The following IPMK variants were observed in gnomAD, a reference collection of about 807,000 sequenced individuals.
IPMK encodes the protein inositol 1,3,4,6-tetrakisphosphate 5-kinase.
IPMK carries 17 observed loss-of-function variants against 45.8 expected under a neutral mutation model. The ratio of observed to expected loss-of-function variants is 0.37; its 90% CI spans 0.25 to 0.56. The LOEUF is 0.56. Among genes scored for constraint, IPMK ranks in the 20% least tolerant of loss-of-function variants. The pLI is 0.79. For synonymous variants in IPMK, 180 were observed against 184.3 expected (o/e 0.98, Z 0.19); for missense variants, 399 against 498.0 (o/e 0.80, Z 1.89).
At chr10:58,214,420 G>C (rs1252987930) in intron 4 of IPMK, among the ~76,000 whole-genome samples, 2 of 152,150 alleles carry the variant, frequency 1.3e-5, no homozygotes, top group Non-Finnish European at 2.9e-5. Context: ...GGGAGGGTGA[G>C]AGATCTGAAA....
intron 4 of IPMK, among the ~76,000 whole-genome samples, chr10:58,199,801 A>G (rs1051412150): frequency 6.6e-6 from 1 of 152,156 alleles, no homozygotes. Flanking sequence ...ATAGTTGTAC[A>G]CTGGAAAATA....
intron 1 of IPMK, among the ~76,000 whole-genome samples, chr10:58,248,191 T>C (rs1310888502): frequency 2.0e-5 from 3 of 151,984 alleles, no homozygotes; most frequent in African/African-American, 4.8e-5. Context: ...AGTATATTAT[T>C]ATACTTTAAA....
In IPMK at chr10:58,216,321, T is replaced by C; in HGVS notation, c.374-4A>G. 1 of 1,440,674 alleles carries C rather than the reference T, an allele frequency of 6.9e-7. No individual in the cohort carries two copies. The highest frequency in any genetic ancestry group is 9.4e-7 in the Non-Finnish European group (1 of 1,064,696). 89.2% of individuals were successfully genotyped at this position (1,440,674 alleles called of 1,614,324 possible). ...TCTTCCAGTTTTAGGTATAAATCTG[T>C]TATTAAAGAAAAATATTAATTAGTA... On this transcript the variant is annotated splice_region_variant and splice_polypyrimidine_tract_variant and intron_variant, in intron 3 of 5. Coordinates refer to ENST00000373935, the MANE Select transcript of IPMK (RefSeq NM_152230.5).
intron 5 of IPMK, among the ~76,000 whole-genome samples, chr10:58,196,933 T>C (rs141510788): frequency 6.6e-6 from 1 of 152,230 alleles, no homozygotes; most frequent in East Asian, 1.9e-4. Flanking sequence ...TAATATGAAA[T>C]ATCCTATTTA....
rs1276234688 is a variant in IPMK at position 58,192,460 on chromosome 10, T to C, written c.*3616A>G. The C allele has an allele frequency of 6.6e-6, 1 of 152,036 alleles. No individual in the cohort carries two copies. The highest frequency in any genetic ancestry group is 2.4e-5 in the African/African-American group (1 of 41,438). 9.4% of individuals were successfully genotyped at this position (152,036 alleles called of 1,614,324 possible). On this transcript the variant is annotated 3_prime_UTR_variant, in exon 6 of 6. Transcript: ENST00000373935. ...TCTGTAACTAATACCCAAACTTAAA[T>C]AGAGGTTACAATACTGTAAAATATT...
At position 58,259,764 on chromosome 10, in the gene IPMK, T is replaced by C. The variant is rs937817189; in HGVS notation, c.190+7658A>G. 1.3e-4 allele frequency among the ~76,000 whole-genome samples: 20 copies of C among 150,928 alleles called. 1 individual carries two copies. Among genetic ancestry groups the C allele is most frequent in the Admixed American group, 4.6e-4 (7 of 15,102 alleles). The stretch of plus-strand genomic sequence containing the variant: ...CTTCGGTGGGAGGATCACTTGAGCC[T>C]GGGAGGCGGAGGTTGCAGTGAGCCA... On this transcript the variant is annotated intron_variant, in intron 1 of 5. Coordinates refer to ENST00000373935, the MANE Select transcript of IPMK (RefSeq NM_152230.5).
chr10:58,209,466 T>C (rs1838123847), intron 4 of IPMK, among the ~76,000 whole-genome samples: 1 of 152,206 alleles, frequency 6.6e-6, no homozygotes, highest in Admixed American at 6.5e-5. Context: ...GCTCTCCCTA[T>C]TCCCCTGGCG....
intron 2 of IPMK, among the ~76,000 whole-genome samples, chr10:58,229,745 A>G (rs1838481979): frequency 6.6e-6 from 1 of 152,126 alleles, no homozygotes; most frequent in Admixed American, 6.5e-5. Flanking sequence ...AGATGGTCGA[A>G]TAGGAACAGC....
At chr10:58,213,998 A>T (rs1268861475) in intron 4 of IPMK, among the ~76,000 whole-genome samples, 5 of 152,246 alleles carry the variant, frequency 3.3e-5, no homozygotes, top group Non-Finnish European at 1.5e-5. Flanking sequence ...GTTTGGTTGT[A>T]AAGCCGAGAC....
At chr10:58,256,781 A>G (rs1180004645) in intron 1 of IPMK, among the ~76,000 whole-genome samples, 1 of 152,218 alleles carries the variant, frequency 6.6e-6, no homozygotes, top group South Asian at 2.1e-4. Flanking sequence ...ACACTTAGGG[A>G]AAATAGATAA....
At chr10:58,220,728 G>C (rs1447976125) in intron 3 of IPMK, among the ~76,000 whole-genome samples, 1 of 152,156 alleles carries the variant, frequency 6.6e-6, no homozygotes. Context: ...AAGGCACACA[G>C]GTGAAGAAAA....
chr10:58,217,688 C>CAAAAAAAAAAAAAAAA (rs11393849), intron 3 of IPMK, among the ~76,000 whole-genome samples: 52 of 49,234 alleles, frequency 1.1e-3, no homozygotes, highest in African/African-American at 1.4e-3. Flanking sequence ...AACTCCATCT[C>CAAAAAAAAAAAAAAAA]AAAAAAAAAA....
chr10:58,203,876 T>G (rs909678770), intron 4 of IPMK, among the ~76,000 whole-genome samples: 4 of 152,162 alleles, frequency 2.6e-5, no homozygotes, highest in Admixed American at 6.5e-5. Context: ...TGTGGCAAAC[T>G]TCATTGCTGT....
At chr10:58,264,460 A>C (rs2132269801) in intron 1 of IPMK, among the ~76,000 whole-genome samples, 1 of 152,336 alleles carries the variant, frequency 6.6e-6, no homozygotes, top group Admixed American at 6.5e-5. Flanking sequence ...ATCCTACATC[A>C]GATCAAGAAA....
chr10:58,259,960 A>T (rs1839038304), intron 1 of IPMK, among the ~76,000 whole-genome samples: 1 of 152,208 alleles, frequency 6.6e-6, no homozygotes, highest in Non-Finnish European at 1.5e-5. Flanking sequence ...TTTCATGAGG[A>T]ACAGAATATC....
chr10:58,212,885 C>T (rs1393419102), intron 4 of IPMK: 6 of 233,932 alleles, frequency 2.6e-5, no homozygotes, highest in East Asian at 2.2e-4. Flanking sequence ...GAGGCATTTC[C>T]GCCAATGAGC....
At chr10:58,222,862 T>C (rs545716039) in intron 3 of IPMK, among the ~76,000 whole-genome samples, 28 of 152,204 alleles carry the variant, frequency 1.8e-4, no homozygotes, top group Middle Eastern at 3.2e-3. Context: ...ATGCTGATGA[T>C]AGTATGAGAT....
chr10:58,212,861 C>T lies in IPMK; in HGVS notation c.546+3284G>A, dbSNP rs539661501. The T allele has an allele frequency of 3.0e-5, 7 of 232,640 alleles. No individual in the cohort carries two copies. In the East Asian group the frequency reaches 5.4e-4, roughly 18 times the overall value. The allele number at this position is 232,640 out of a possible 1,614,324, so 14.4% of individuals were successfully genotyped here. A position where few individuals can be genotyped will look rare whatever the true frequency, so the allele number is the denominator to read the frequency against. On this transcript the variant is annotated intron_variant, in intron 4 of 5. Transcript: ENST00000373935. ...ACTGTGGTTTTGGTACCTTTGCCCT[C>T]GGGACCTTCAGCAGAGGCATTTCCG... is the stretch of plus-strand genomic sequence containing the variant.
intron 2 of IPMK, among the ~76,000 whole-genome samples, chr10:58,237,054 C>T (rs1328662705): frequency 1.3e-5 from 2 of 152,146 alleles, no homozygotes; most frequent in Non-Finnish European, 2.9e-5. Flanking sequence ...TCAGCCTGGG[C>T]AACAGAGCCA....
Sources: allele counts gnomAD v4.1 joint callset (sites outside exome capture counted in the v4.1 genomes callset), GRCh38; gene constraint gnomAD v4.1.1; transcripts MANE v1.5; gene names NCBI Gene and HGNC (gene_info 2026-07-23, HGNC 2026-07-21).